Variants in ZNF254 observed in about 807,000 individuals in gnomAD.
ZNF254 encodes the protein zinc finger protein 254, also known as CTD-2017D11.1.
In ZNF254, 10 loss-of-function variants were observed where a neutral mutation model predicts 12.4. The ratio of observed to expected loss-of-function variants is 0.80; its 90% CI spans 0.50 to 1.36. The LOEUF (loss-of-function observed/expected upper bound fraction) is 1.36, where lower values mean the gene tolerates loss of function less well. Ranked by LOEUF, ZNF254 falls within the 40% of genes most tolerant of loss-of-function variation. The pLI, the probability that ZNF254 is intolerant of heterozygous loss-of-function variation, is 0.00. For synonymous variants in ZNF254, 305 were observed against 253.4 expected, an observed-to-expected ratio of 1.20 and a Z score of -1.93; for missense variants, 996 against 763.9, an observed-to-expected ratio of 1.30 and a Z score of -3.58.
chr19:24,068,003 G>T (rs1971340751), intron 2 of ZNF254, among the ~76,000 whole-genome samples: 1 of 152,120 alleles, frequency 6.6e-6, no homozygotes, highest in African/African-American at 2.4e-5. Flanking sequence ...TCATCTTTTG[G>T]CTGGACCTTT....
chr19:24,117,939 A>T (rs1013135801), intron 3 of ZNF254, among the ~76,000 whole-genome samples: 1 of 151,882 alleles, frequency 6.6e-6, no homozygotes, highest in Non-Finnish European at 1.5e-5. Flanking sequence ...CATAAATGTA[A>T]TTGCTGTATT....
At chr19:24,091,904 G>C (rs1972408103) in intron 1 of ZNF254, 1 of 875,034 alleles carries the variant, frequency 1.1e-6, no homozygotes, top group Non-Finnish European at 1.4e-6. Flanking sequence ...TTTTGAGATG[G>C]AGTCTCGCTC....
chr19:24,085,427 A>ATATATATATATGT (rs1369362234), upstream of ZNF254, among the ~76,000 whole-genome samples: 43 of 42,450 alleles, frequency 1.0e-3, 1 homozygote, highest in Admixed American at 8.0e-3. Context: ...TATATATATA[A>ATATATATATATGT]AAACTAAGAT....
chr19:24,049,809 A>G (rs1970578532), intron 2 of ZNF254, among the ~76,000 whole-genome samples: 1 of 152,046 alleles, frequency 6.6e-6, no homozygotes, highest in African/African-American at 2.4e-5. Context: ...TACAGAGGAC[A>G]TTGTGACATA....
chr19:24,051,563 G>C (rs1223609175), intron 2 of ZNF254, among the ~76,000 whole-genome samples: 1 of 152,114 alleles, frequency 6.6e-6, no homozygotes, highest in East Asian at 1.9e-4. Context: ...TGCACAAAAA[G>C]GGATTGTGAC....
chr19:24,046,007 A>C (rs1305591799), intron 1 of ZNF254, among the ~76,000 whole-genome samples: 1 of 152,104 alleles, frequency 6.6e-6, no homozygotes, highest in Non-Finnish European at 1.5e-5. Flanking sequence ...TGAAGCACAG[A>C]ATTTCTAAAC....
chr19:24,055,660 T>A (rs2145355209), intron 2 of ZNF254, among the ~76,000 whole-genome samples: 1 of 152,282 alleles, frequency 6.6e-6, no homozygotes. Context: ...CTTTTGAAGT[T>A]CTGGATCACA....
At chr19:24,089,733 A>G (rs1428660562) in intron 1 of ZNF254, among the ~76,000 whole-genome samples, 1 of 152,070 alleles carries the variant, frequency 6.6e-6, no homozygotes, top group African/African-American at 2.4e-5. Flanking sequence ...TTTATGAGAC[A>G]TTAATATTGT....
intron 3 of ZNF254, among the ~76,000 whole-genome samples, chr19:24,108,247 A>C (rs11668697): frequency 0.31 from 46,716 of 152,042 alleles, 8,649 homozygotes; most frequent in African/African-American, 0.53. Flanking sequence ...AAATGGGTGT[A>C]TTTCTCCAGG....
At chr19:24,049,138 T>A (rs1970524954) in intron 2 of ZNF254, 1 of 146,550 alleles carries the variant, frequency 6.8e-6, no homozygotes, top group Non-Finnish European at 1.5e-5. Context: ...CTCTCCTTTT[T>A]TTTTAAGAAG....
chr19:24,117,087 G>T (rs953025421), intron 3 of ZNF254, among the ~76,000 whole-genome samples: 1 of 152,144 alleles, frequency 6.6e-6, no homozygotes, highest in South Asian at 2.1e-4. Flanking sequence ...AGCCATGTGA[G>T]GTGTCAGTCT....
intron 3 of ZNF254, among the ~76,000 whole-genome samples, chr19:24,116,475 C>T (rs1321343119): frequency 6.6e-6 from 1 of 152,082 alleles, no homozygotes. Context: ...CCCTTTCTTC[C>T]AGGTGATTGC....
intron 2 of ZNF254, among the ~76,000 whole-genome samples, chr19:24,064,377 C>T (rs968540253): frequency 1.3e-5 from 2 of 152,210 alleles, no homozygotes; most frequent in African/African-American, 4.8e-5. Context: ...TGAAATACTG[C>T]TGGACCAACA....
At chr19:24,117,848 T>G (rs139399220) in intron 3 of ZNF254, among the ~76,000 whole-genome samples, 16 of 145,918 alleles carry the variant, frequency 1.1e-4, no homozygotes, top group African/African-American at 3.9e-4. Context: ...CTGCTCAAGA[T>G]TTTTTTTTTA....
At chr19:24,097,948 G>A (rs1427757950) in intron 1 of ZNF254, among the ~76,000 whole-genome samples, 1 of 151,978 alleles carries the variant, frequency 6.6e-6, no homozygotes, top group Non-Finnish European at 1.5e-5. Context: ...TGCAGTGTTT[G>A]TAGACAACCT....
At chr19:24,034,695 T>TC (rs989288540) in intron 1 of ZNF254, among the ~76,000 whole-genome samples, 4 of 151,690 alleles carry the variant, frequency 2.6e-5, no homozygotes, top group Non-Finnish European at 5.9e-5. Flanking sequence ...CAGGCTGTTC[T>TC]CCAACTCTGG....
At chr19:24,115,106 A>C (rs1357127066) in intron 3 of ZNF254, among the ~76,000 whole-genome samples, 3 of 152,188 alleles carry the variant, frequency 2.0e-5, no homozygotes, top group Non-Finnish European at 2.9e-5. Flanking sequence ...CCATTGTGGA[A>C]GTCAGTGTGG....
intron 1 of ZNF254, chr19:24,104,222 C>T (rs1278978586): frequency 6.6e-6 from 1 of 152,188 alleles, no homozygotes; most frequent in South Asian, 2.1e-4. Flanking sequence ...ATATTTTTCT[C>T]TCTGTGGAGC....
At chr19:24,063,534 T>C (rs186355369) in intron 2 of ZNF254, among the ~76,000 whole-genome samples, 11 of 152,258 alleles carry the variant, frequency 7.2e-5, no homozygotes, top group Admixed American at 3.9e-4. Context: ...CCTAAACACA[T>C]AGCCTGAGTC....
Sources: gnomAD v4.1 joint callset for allele counts (sites outside exome capture counted in the v4.1 genomes callset) on GRCh38, gnomAD v4.1.1 for gene constraint, MANE v1.5 for transcripts, NCBI Gene and HGNC (gene_info 2026-07-23, HGNC 2026-07-21) for gene names.